Variants in RPRD1A observed in about 807,000 individuals in gnomAD.
RPRD1A encodes regulation of nuclear pre-mRNA domain-containing protein 1A.
RPRD1A carries 9 observed loss-of-function variants against 37.8 expected under a neutral mutation model. The observed-to-expected ratio is 0.24, with a 90% CI of 0.14 to 0.42. The LOEUF (loss-of-function observed/expected upper bound fraction) is 0.42, where lower values mean the gene tolerates loss of function less well. RPRD1A is among the 10% of genes least tolerant of loss of function. The pLI, the probability that RPRD1A is intolerant of heterozygous loss-of-function variation, is 1.00. For missense variants in RPRD1A, 255 were observed against 371.0 expected (o/e 0.69, Z 2.57); for synonymous variants, 138 against 139.7 (o/e 0.99, Z 0.08).
At chr18:35,996,239 A>T (rs1214086873) in intron 6 of RPRD1A, among the ~76,000 whole-genome samples, 1 of 152,168 alleles carries the variant, frequency 6.6e-6, no homozygotes, top group East Asian at 1.9e-4. Flanking sequence ...TTTTTTGGTA[A>T]ACCTAAAATT....
chr18:36,022,884 C>T (rs905555197), intron 6 of RPRD1A, among the ~76,000 whole-genome samples: 1 of 152,242 alleles, frequency 6.6e-6, no homozygotes, highest in Non-Finnish European at 1.5e-5. Context: ...ATAACTTGTA[C>T]TCATGAGTTC....
intron 1 of RPRD1A, among the ~76,000 whole-genome samples, chr18:36,059,121 C>T (rs943050207): frequency 3.3e-5 from 5 of 152,106 alleles, no homozygotes; most frequent in Non-Finnish European, 7.4e-5. Context: ...CCCATAAATA[C>T]ATACAATTAC....
chr18:36,063,774 AAGGCT>A (rs2088961777), intron 1 of RPRD1A, among the ~76,000 whole-genome samples: 1 of 152,210 alleles, frequency 6.6e-6, no homozygotes, highest in South Asian at 2.1e-4. Flanking sequence ...GAAGGACACA[AAGGCT>A]ACACCCTGCA....
intron 1 of RPRD1A, among the ~76,000 whole-genome samples, chr18:36,061,572 T>C (rs932388567): frequency 6.6e-6 from 1 of 152,252 alleles, no homozygotes; most frequent in African/African-American, 2.4e-5. Flanking sequence ...GGTATGTTCA[T>C]GGTCAATATT....
chr18:35,998,950 G>A (rs1407494660), intron 6 of RPRD1A, among the ~76,000 whole-genome samples: 1 of 152,156 alleles, frequency 6.6e-6, no homozygotes, highest in Non-Finnish European at 1.5e-5. Context: ...CACCATTACA[G>A]ATTTCTTTAC....
intron 1 of RPRD1A, among the ~76,000 whole-genome samples, chr18:36,049,928 T>C (rs571827866): frequency 1.3e-5 from 2 of 152,310 alleles, no homozygotes; most frequent in East Asian, 3.9e-4. Flanking sequence ...TTTTATATTC[T>C]GACCAGCAAT....
intron 1 of RPRD1A, among the ~76,000 whole-genome samples, chr18:36,065,924 C>T (rs2089021519): frequency 6.6e-6 from 1 of 151,758 alleles, no homozygotes; most frequent in African/African-American, 2.4e-5. Flanking sequence ...GTCTGGGTAT[C>T]AACCCTATAC....
Position 36,057,013 on chromosome 18 carries a change from G to A in RPRD1A, c.151+10241C>T, listed in dbSNP as rs565150727. The stretch of plus-strand genomic sequence containing the variant: ...GAGGATCATCTGAGCCCAGGAGTTC[G>A]AGACCAGCCTCAGCAACACAGCTAG... On this transcript the variant is annotated intron_variant, in intron 1 of 6. Transcript: ENST00000399022. Among the ~76,000 whole-genome samples, 11 of 127,420 alleles carry A rather than the reference G, an allele frequency of 8.6e-5. 1 individual carries two copies. The highest frequency in any genetic ancestry group is 5.0e-4 in the East Asian group (2 of 3,962). The allele number at this position is 127,420 out of a possible 152,430, so 83.6% of individuals were successfully genotyped here.
intron 1 of RPRD1A, among the ~76,000 whole-genome samples, chr18:36,041,912 GTACTACT>G (rs1408700398): frequency 6.6e-6 from 1 of 152,220 alleles, no homozygotes; most frequent in African/African-American, 2.4e-5. Context: ...ATGTACTCCT[GTACTACT>G]GCCAGGAGGT....
chr18:36,009,055 A>G (rs1910000490), intron 6 of RPRD1A, among the ~76,000 whole-genome samples: 2 of 148,898 alleles, frequency 1.3e-5, no homozygotes, highest in South Asian at 2.2e-4. Context: ...ACATTACTAT[A>G]ATTTTTTTTT....
At chr18:36,023,454 T>C (rs766252705) in intron 6 of RPRD1A, among the ~76,000 whole-genome samples, 25 of 152,220 alleles carry the variant, frequency 1.6e-4, no homozygotes, top group Non-Finnish European at 3.2e-4. Flanking sequence ...TTGCTTCTTA[T>C]GGATGGGCAA....
chr18:36,056,122 A>G (rs1240920760), intron 1 of RPRD1A, among the ~76,000 whole-genome samples: 1 of 152,194 alleles, frequency 6.6e-6, no homozygotes, highest in Non-Finnish European at 1.5e-5. Context: ...CAGAATAACA[A>G]TTATGTAAAT....
chr18:36,002,075 C>A (rs1405813359), intron 6 of RPRD1A, among the ~76,000 whole-genome samples: 1 of 130,278 alleles, frequency 7.7e-6, no homozygotes, highest in East Asian at 2.2e-4. Flanking sequence ...ATATGGCATG[C>A]CTAAGTAGAG....
chr18:36,039,273 A>G (rs1912418417), intron 1 of RPRD1A, among the ~76,000 whole-genome samples: 1 of 152,214 alleles, frequency 6.6e-6, no homozygotes, highest in South Asian at 2.1e-4. Context: ...AGTCAATTAA[A>G]TTTCTTTTCT....
chr18:36,022,788 CTCT>C (rs1015593772), intron 6 of RPRD1A, among the ~76,000 whole-genome samples: 1 of 152,200 alleles, frequency 6.6e-6, no homozygotes, highest in Non-Finnish European at 1.5e-5. Context: ...ACAGCAAGAA[CTCT>C]TCTTTACAAA....
intron 6 of RPRD1A, among the ~76,000 whole-genome samples, chr18:36,020,902 T>C (rs1454111056): frequency 6.6e-6 from 1 of 151,762 alleles, no homozygotes; most frequent in East Asian, 1.9e-4. Flanking sequence ...ACATGTAAGA[T>C]GCATATAATG....
chr18:36,029,997 G>A (rs982701669), intron 4 of RPRD1A, among the ~76,000 whole-genome samples: 6 of 151,078 alleles, frequency 4.0e-5, no homozygotes, highest in Admixed American at 6.6e-5. Context: ...TAGTAGAGAC[G>A]GGGTTTCACC....
chr18:36,066,285 T>TA (rs1306559728), intron 1 of RPRD1A, among the ~76,000 whole-genome samples: 1 of 152,248 alleles, frequency 6.6e-6, no homozygotes, highest in African/African-American at 2.4e-5. Context: ...TTTTGGCTGT[T>TA]ACGTACATAC....
At chr18:36,029,104 T>C (rs1010618058) in intron 4 of RPRD1A, among the ~76,000 whole-genome samples, 2 of 152,222 alleles carry the variant, frequency 1.3e-5, no homozygotes, top group Non-Finnish European at 2.9e-5. Context: ...TTATCACTTT[T>C]CTATTCAAGC....
Sources: allele counts gnomAD v4.1 joint callset (sites outside exome capture counted in the v4.1 genomes callset), GRCh38; gene constraint gnomAD v4.1.1; transcripts MANE v1.5; gene names NCBI Gene and HGNC (gene_info 2026-07-23, HGNC 2026-07-21).